The following DBN1 variants were observed in gnomAD, a reference collection of about 807,000 sequenced individuals.
The protein encoded by DBN1 is drebrin 1.
DBN1 carries 21 observed loss-of-function variants against 83.5 expected under a neutral mutation model. The observed-to-expected ratio is 0.25, with a 90% CI of 0.18 to 0.36. The LOEUF (loss-of-function observed/expected upper bound fraction) is 0.36. DBN1 is among the 10% of genes least tolerant of loss of function. The pLI, the probability that DBN1 is intolerant of heterozygous loss-of-function variation, is 1.00. For missense variants in DBN1, 874 were observed against 935.7 expected (o/e 0.93, Z 0.86); for synonymous variants, 381 against 384.9 (o/e 0.99, Z 0.12).
chr5:177,471,967 C>A, intron 1 of DBN1: 1 of 750,176 alleles, frequency 1.3e-6, no homozygotes. Flanking sequence ...TCTCCCCAGG[C>A]GGGGCCTTAT....
At chr5:177,468,304 C>G in intron 2 of DBN1, 84 bp from the exon 3 acceptor site, 1 of 1,244,518 alleles carries the variant, frequency 8.0e-7, no homozygotes, top group Non-Finnish European at 1.2e-6. Flanking sequence ...AAAGACTCCT[C>G]CAGGCCTCCA....
chr5:177,458,564 T>C lies in DBN1; in HGVS notation c.1408A>G (p.Met470Val). Residue 470 changes from methionine (M) to valine (V), a missense_variant, in exon 13 of 15, where the codon ATG (methionine) becomes GTG (valine). This residue lies in a region of DBN1 where 725 missense variants were observed against 719.7 expected (regional missense o/e 1.01). Coordinates refer to ENST00000393565, the MANE Select transcript of DBN1 (RefSeq NM_001363541.2). ...AGGACAGCCTGCTCTGCAGACTCCA[T>C]GAACATCAAGTCCTCTGCAGGGCTG... The part of the protein sequence containing the change: ...PGSPAEDLMF[M>V]ESAEQAVLAA... 6.2e-7 allele frequency: 1 copy of C among 1,614,134 alleles called. No individual in the cohort carries two copies. The highest frequency in any genetic ancestry group is 8.5e-7 in the Non-Finnish European group (1 of 1,179,994).
chr5:177,457,595 C>A, intron 14 of DBN1, 60 bp downstream of exon 14: 1 of 1,525,618 alleles, frequency 6.6e-7, no homozygotes, highest in Non-Finnish European at 9.1e-7. Flanking sequence ...GGGGTGGCTA[C>A]CCACACTCAA....
intron 8 of DBN1, among the ~76,000 whole-genome samples, chr5:177,464,185 C>A (rs971337033): frequency 6.6e-6 from 1 of 150,478 alleles, no homozygotes; most frequent in Admixed American, 6.7e-5. Flanking sequence ...CGGTGGCTCA[C>A]GCCTGTAATT....
intron 1 of DBN1, among the ~76,000 whole-genome samples, chr5:177,471,046 T>C (rs1043637295): frequency 4.0e-5 from 6 of 151,866 alleles, no homozygotes; most frequent in African/African-American, 1.5e-4. Context: ...GAAGTATGTG[T>C]GATATTGACA....
rs887886647 is a variant in DBN1 at position 177,473,591 on chromosome 5, AAG to A, written c.-72_-71del. 1.8e-4 allele frequency: 170 copies of A among 966,738 alleles called. No homozygotes were observed. The African/African-American group carries it at 2.8e-3, about 16-fold the overall frequency. The allele number at this position is 966,738 out of a possible 1,614,324, so 59.9% of individuals were successfully genotyped here. On this transcript the variant is annotated 5_prime_UTR_variant, in exon 1 of 15. Transcript: ENST00000393565. ...GGGCGGACGGAGGAGGAGGGAGGGA[AAG>A]AGGGAGTCGCCGCCGCCGCCTCGGA...
intron 1 of DBN1, among the ~76,000 whole-genome samples, chr5:177,469,282 A>G (rs1456925732): frequency 6.6e-6 from 1 of 151,950 alleles, no homozygotes; most frequent in Non-Finnish European, 1.5e-5. Flanking sequence ...AGTGCCAGGA[A>G]CTTACCTGGC....
At chr5:177,472,476 C>T in intron 1 of DBN1, 1 of 1,199,944 alleles carries the variant, frequency 8.3e-7, no homozygotes, top group East Asian at 4.3e-5. Context: ...CTTTTTCCAC[C>T]ACCCTGGGCC....
rs1756854926 is a variant in DBN1, at chr5:177,459,600, T to C, written c.1093+3A>G. 2 of 1,518,868 alleles carry C rather than the reference T, an allele frequency of 1.3e-6. No individual in the cohort carries two copies. The highest frequency in any genetic ancestry group is 8.8e-7 in the Non-Finnish European group (1 of 1,130,180). The allele number at this position is 1,518,868 out of a possible 1,614,324, so 94.1% of individuals were successfully genotyped here. A position where few individuals can be genotyped will look rare whatever the true frequency, so the allele number is the denominator to read the frequency against. On this transcript the variant is annotated splice_donor_region_variant and intron_variant, in intron 11 of 14. Coordinates refer to ENST00000393565, the MANE Select transcript of DBN1 (RefSeq NM_001363541.2). ...CCCGCCGAGGCCTGGGGCTGCTACC[T>C]ACATGGGAGGGAGGAAGAGAGGTTT...
chr5:177,471,466 A>G (rs988811928), intron 1 of DBN1, among the ~76,000 whole-genome samples: 1 of 151,850 alleles, frequency 6.6e-6, no homozygotes, highest in Admixed American at 6.6e-5. Flanking sequence ...ACCCCTCCCC[A>G]TTGGAGGCAA....
At position 177,460,553 on chromosome 5, in the gene DBN1, C is replaced by T; in HGVS notation, c.834G>A (p.Glu278=). Residue 278 remains glutamate, a splice_region_variant and synonymous_variant, in exon 10 of 15, where the codon GAG becomes GAA. Transcript: ENST00000393565. ...HMKKSESEVE[E]AAAIIAQRPD... is the part of the protein sequence containing the mutation. ...GCCGCTGGGCAATAATAGCTGCTGC[C>T]TCCTGAGGGCACGAGGAAAAGGTTG... The T allele has an allele frequency of 6.2e-7, 1 of 1,614,188 alleles. No individual in the cohort carries two copies. The highest frequency in any genetic ancestry group is 8.5e-7 in the Non-Finnish European group (1 of 1,180,038).
At chr5:177,462,346 C>T in intron 8 of DBN1, 3 of 985,578 alleles carry the variant, frequency 3.0e-6, no homozygotes, top group Non-Finnish European at 3.6e-6. Context: ...CAAATGCCTG[C>T]TCCCCACCCG....
chr5:177,471,971 G>T, intron 1 of DBN1: 1 of 802,242 alleles, frequency 1.2e-6, no homozygotes. Context: ...CCCAGGCGGG[G>T]CCTTATCCCA....
At chr5:177,462,468 C>T (rs1451727982) in intron 8 of DBN1, 4 of 920,740 alleles carry the variant, frequency 4.3e-6, no homozygotes, top group Non-Finnish European at 5.2e-6. Context: ...CCACAGGGTG[C>T]TCCTGGCTTC....
intron 1 of DBN1, chr5:177,472,074 G>GGCCGCCTGCCTGCTGAGCCTGT: frequency 6.3e-7 from 1 of 1,583,960 alleles, no homozygotes; most frequent in Non-Finnish European, 8.6e-7. Context: ...ACAATGGGTG[G>GGCCGCCTGCCTGCTGAGCCTGT]GCCGCCTGCC....
chr5:177,462,033 G>C (rs973432080), intron 8 of DBN1, among the ~76,000 whole-genome samples: 1 of 152,144 alleles, frequency 6.6e-6, no homozygotes, highest in Non-Finnish European at 1.5e-5. Flanking sequence ...GGGCCTCGCC[G>C]CAGCCCCCTT....
intron 8 of DBN1, among the ~76,000 whole-genome samples, chr5:177,465,729 CCTG>C (rs1757399448): frequency 1.3e-5 from 2 of 151,906 alleles, no homozygotes; most frequent in Admixed American, 6.6e-5. Flanking sequence ...ATGGTGTGCG[CCTG>C]TAATCCCAGC....
chr5:177,472,898 C>G, intron 1 of DBN1: 1 of 959,672 alleles, frequency 1.0e-6, no homozygotes, highest in Non-Finnish European at 1.2e-6. Context: ...CTCCGAGAGG[C>G]CCCCCGGTGG....
intron 8 of DBN1, among the ~76,000 whole-genome samples, chr5:177,462,569 G>C (rs780856543): frequency 6.6e-6 from 1 of 152,294 alleles, no homozygotes; most frequent in East Asian, 1.9e-4. Flanking sequence ...CGGGGTCTCC[G>C]GGTGGGTGGC....
Sources: allele counts gnomAD v4.1 joint callset (sites outside exome capture counted in the v4.1 genomes callset), GRCh38; gene constraint gnomAD v4.1.1; regional missense constraint gnomAD v4.1.1; transcripts MANE v1.5; gene names NCBI Gene and HGNC (gene_info 2026-07-23, HGNC 2026-07-21).